Variants in ASTN2 observed in about 807,000 individuals in gnomAD.
The protein encoded by ASTN2 is astrotactin-2.
ASTN2 carries 54 observed loss-of-function variants against 139.8 expected under a neutral mutation model. The observed-to-expected ratio is 0.39, with a 90% confidence interval of 0.31 to 0.48. ASTN2 has a LOEUF of 0.48. Ranked by LOEUF, ASTN2 falls within the 20% of genes least tolerant of loss-of-function variation. ASTN2 has a pLI of 0.95. For synonymous variants in ASTN2, 756 were observed against 719.5 expected (o/e 1.05, Z -0.81); for missense variants, 1,565 against 1,725.1 (o/e 0.91, Z 1.64).
intron 1 of ASTN2, among the ~76,000 whole-genome samples, chr9:117,348,722 A>G (rs1829299976): frequency 1.3e-5 from 2 of 152,200 alleles, no homozygotes; most frequent in Admixed American, 6.5e-5. Context: ...AAAGGGAGGC[A>G]AAGAAAGACA....
At chr9:116,498,209 A>G (rs1849730898) in intron 19 of ASTN2, among the ~76,000 whole-genome samples, 1 of 152,174 alleles carries the variant, frequency 6.6e-6, no homozygotes, top group Admixed American at 6.5e-5. Flanking sequence ...CCAATTCCAA[A>G]GCCTGTTGTT....
At chr9:117,367,414 C>G (rs1197517759) in intron 1 of ASTN2, among the ~76,000 whole-genome samples, 1 of 152,080 alleles carries the variant, frequency 6.6e-6, no homozygotes, top group African/African-American at 2.4e-5. Context: ...AGCTCTGTGA[C>G]CATTTGCTAT....
At chr9:116,884,232 C>G (rs960933751) in intron 10 of ASTN2, among the ~76,000 whole-genome samples, 1 of 152,098 alleles carries the variant, frequency 6.6e-6, no homozygotes, top group Non-Finnish European at 1.5e-5. Context: ...TGCTGCCTAG[C>G]AGGCCATGGA....
At chr9:116,640,417 AAAGT>A (rs1347219715) in intron 17 of ASTN2, among the ~76,000 whole-genome samples, 1 of 152,240 alleles carries the variant, frequency 6.6e-6, no homozygotes, top group African/African-American at 2.4e-5. Flanking sequence ...GAGACCCAAG[AAAGT>A]AAGTGAAAAA....
intron 5 of ASTN2, among the ~76,000 whole-genome samples, chr9:117,073,152 T>C (rs914694202): frequency 2.0e-5 from 3 of 151,918 alleles, no homozygotes; most frequent in Admixed American, 6.6e-5. Flanking sequence ...GATAACTGGT[T>C]AGTCGCTCTC....
intron 10 of ASTN2, among the ~76,000 whole-genome samples, chr9:116,940,463 G>C: frequency 6.6e-6 from 1 of 152,126 alleles, no homozygotes; most frequent in East Asian, 1.9e-4. Flanking sequence ...AGAAGACAGT[G>C]ATATTGATGA....
intron 13 of ASTN2, among the ~76,000 whole-genome samples, chr9:116,796,469 A>G (rs1830691945): frequency 6.6e-6 from 1 of 152,198 alleles, no homozygotes; most frequent in South Asian, 2.1e-4. Flanking sequence ...GTTGAGTAGC[A>G]AAAATGCTAT....
At chr9:117,214,322 C>G (rs200030532) in intron 3 of ASTN2, 36 bp downstream of exon 3, 1 of 1,532,892 alleles carries the variant, frequency 6.5e-7, no homozygotes, top group Non-Finnish European at 8.9e-7. Flanking sequence ...TTTCAAAATG[C>G]CCCCTGGAAA....
chr9:117,014,731 G>A (rs1317532345), intron 6 of ASTN2, among the ~76,000 whole-genome samples: 1 of 151,904 alleles, frequency 6.6e-6, no homozygotes, highest in East Asian at 1.9e-4. Flanking sequence ...CATTAGGGCG[G>A]GTCCTATTTC....
intron 20 of ASTN2, among the ~76,000 whole-genome samples, chr9:116,450,670 C>T (rs1452499766): frequency 6.6e-6 from 1 of 152,110 alleles, no homozygotes; most frequent in Non-Finnish European, 1.5e-5. Flanking sequence ...AGCTACCAAG[C>T]AAAGTATTTC....
intron 1 of ASTN2, among the ~76,000 whole-genome samples, chr9:117,377,863 C>G (rs536226699): frequency 6.6e-6 from 1 of 152,050 alleles, no homozygotes; most frequent in South Asian, 2.1e-4. Flanking sequence ...AAAATAATAG[C>G]GCAATGATTC....
chr9:117,259,178 T>C (rs531659880), intron 2 of ASTN2, among the ~76,000 whole-genome samples: 1 of 152,246 alleles, frequency 6.6e-6, no homozygotes, highest in South Asian at 2.1e-4. Flanking sequence ...TCCTGGGGCT[T>C]CACCTCTCTG....
At chr9:116,957,194 TCA>T (rs1835733925) in intron 10 of ASTN2, among the ~76,000 whole-genome samples, 1 of 152,166 alleles carries the variant, frequency 6.6e-6, no homozygotes, top group Non-Finnish European at 1.5e-5. Flanking sequence ...CTACTTTTTC[TCA>T]GTCTCTCTTT....
At chr9:116,669,295 T>G (rs1229654317) in intron 16 of ASTN2, among the ~76,000 whole-genome samples, 1 of 152,224 alleles carries the variant, frequency 6.6e-6, no homozygotes, top group Non-Finnish European at 1.5e-5. Context: ...GCTGCTACTT[T>G]GGACACACTG....
intron 17 of ASTN2, among the ~76,000 whole-genome samples, chr9:116,640,708 T>C (rs1459658886): frequency 6.6e-6 from 1 of 152,226 alleles, no homozygotes; most frequent in African/African-American, 2.4e-5. Context: ...GCAAGGACTT[T>C]GGTTTTTATC....
intron 3 of ASTN2, among the ~76,000 whole-genome samples, chr9:117,189,605 C>A (rs1831294773): frequency 6.6e-6 from 1 of 152,100 alleles, no homozygotes; most frequent in Non-Finnish European, 1.5e-5. Flanking sequence ...ATATGATTTC[C>A]TTAATTCTTA....
At chr9:117,064,950 T>A (rs796444807) in intron 5 of ASTN2, among the ~76,000 whole-genome samples, 1 of 152,080 alleles carries the variant, frequency 6.6e-6, no homozygotes, top group East Asian at 1.9e-4. Context: ...AACCTCAGAA[T>A]TGACCTTACA....
chr9:116,425,346 G>T lies in ASTN2; in HGVS notation c.*505C>A. On this transcript the variant is annotated 3_prime_UTR_variant, in exon 23 of 23. Transcript: ENST00000313400. ...AATAATGTCCAGCAAAAAAGAGAGA[G>T]AAGTCCTTAAAGACCCATGCTTCCT... is the stretch of plus-strand genomic sequence containing the variant. 1 of 555,232 alleles carries T rather than the reference G, an allele frequency of 1.8e-6. No individual in the cohort carries two copies. Among genetic ancestry groups the T allele is most frequent in the South Asian group, 2.5e-5 (1 of 40,408 alleles). The allele number at this position is 555,232 out of a possible 1,614,324, so 34.4% of individuals were successfully genotyped here.
At chr9:117,368,424 C>T (rs1411526134) in intron 1 of ASTN2, among the ~76,000 whole-genome samples, 1 of 152,010 alleles carries the variant, frequency 6.6e-6, no homozygotes, top group Non-Finnish European at 1.5e-5. Flanking sequence ...ATGATCATAC[C>T]CATTTTCCAT....
Sources: gnomAD v4.1 joint callset for allele counts (sites outside exome capture counted in the v4.1 genomes callset) on GRCh38, gnomAD v4.1.1 for gene constraint, MANE v1.5 for transcripts, NCBI Gene and HGNC (gene_info 2026-07-23, HGNC 2026-07-21) for gene names.